MYO3A: variants seen among roughly 807,000 people sequenced by gnomAD.
The protein encoded by MYO3A is myosin-IIIa.
A neutral mutation model predicts 192.7 loss-of-function variants in MYO3A; 180 were observed. The observed-to-expected ratio is 0.93, with a 90% CI of 0.83 to 1.06. The LOEUF (loss-of-function observed/expected upper bound fraction) is 1.06. MYO3A is among the 50% of genes least tolerant of loss of function. MYO3A has a pLI of 0.00. For missense variants in MYO3A, 1,896 were observed against 1,905.0 expected (o/e 1.00, Z 0.09); for synonymous variants, 628 against 645.3 (o/e 0.97, Z 0.41).
At chr10:25,945,497 T>C (rs997477388) in intron 2 of MYO3A, among the ~76,000 whole-genome samples, 1 of 152,088 alleles carries the variant, frequency 6.6e-6, no homozygotes, top group Non-Finnish European at 1.5e-5. Context: ...GTTTTCCCCT[T>C]TAGTTCTGTC....
intron 8 of MYO3A, chr10:26,023,149 G>A (rs1160043693): frequency 6.6e-6 from 1 of 152,204 alleles, no homozygotes; most frequent in African/African-American, 2.4e-5. Flanking sequence ...ATTGTGAAAT[G>A]AGCTTAGTCC....
At chr10:26,071,290 G>A (rs557016964) in intron 14 of MYO3A, among the ~76,000 whole-genome samples, 11 of 152,190 alleles carry the variant, frequency 7.2e-5, no homozygotes, top group African/African-American at 2.4e-4. Context: ...ATTAAGAAAG[G>A]TGGTCTTTTC....
intron 31 of MYO3A, among the ~76,000 whole-genome samples, chr10:26,187,746 G>GT (rs1184960725): frequency 6.7e-6 from 1 of 149,298 alleles, no homozygotes; most frequent in Non-Finnish European, 1.5e-5. Context: ...GCAGTGTTTG[G>GT]TTTTTTGTCC....
chr10:26,172,586 G>A (rs555277964), intron 29 of MYO3A, among the ~76,000 whole-genome samples: 1 of 152,342 alleles, frequency 6.6e-6, no homozygotes, highest in East Asian at 1.9e-4. Context: ...GTTAGGGACT[G>A]CACGCTTATC....
At chr10:26,204,236 T>G (rs1403789729) in intron 34 of MYO3A, 1 of 152,322 alleles carries the variant, frequency 6.6e-6, no homozygotes, top group South Asian at 2.1e-4. Flanking sequence ...CCAGAAAGAT[T>G]AAGTGATTTG....
chr10:26,099,147 T>C (rs1049982282), intron 17 of MYO3A, among the ~76,000 whole-genome samples: 3 of 152,238 alleles, frequency 2.0e-5, no homozygotes, highest in Non-Finnish European at 2.9e-5. Context: ...GTTGGATTCC[T>C]AGATATTTTA....
rs945494981 is a variant in MYO3A at position 25,996,186 on chromosome 10, T to G, written c.304-304T>G. Among the ~76,000 whole-genome samples the G allele has an allele frequency of 5.3e-5, 8 of 152,252 alleles. No homozygotes were observed. The South Asian group carries it at 6.2e-4, about 12-fold the overall frequency. On this transcript the variant is annotated intron_variant, in intron 4 of 34. Transcript: ENST00000642920. The stretch of plus-strand genomic sequence containing the variant: ...CTTCCTGGCCGCTTTGTTCACCTAC[T>G]CAAGCCTCAGCAATGGCGGGTGCCC...
At chr10:26,146,094 G>A (rs1003581971) in intron 22 of MYO3A, among the ~76,000 whole-genome samples, 3 of 152,124 alleles carry the variant, frequency 2.0e-5, no homozygotes, top group Admixed American at 6.5e-5. Flanking sequence ...CCAGATGAAT[G>A]GATTATGATG....
At chr10:26,080,589 T>TGG (rs1452940985) in intron 14 of MYO3A, among the ~76,000 whole-genome samples, 6 of 94,748 alleles carry the variant, frequency 6.3e-5, no homozygotes, top group African/African-American at 2.2e-4. Context: ...TGTAATTTTT[T>TGG]TGGGGGGAGG....
intron 10 of MYO3A, among the ~76,000 whole-genome samples, chr10:26,057,116 TAGC>T (rs1834158234): frequency 6.6e-6 from 1 of 152,216 alleles, no homozygotes; most frequent in African/African-American, 2.4e-5. Context: ...AAGAGGCTGA[TAGC>T]AGTGCTGATG....
chr10:26,156,674 G>A (rs942846223), intron 25 of MYO3A, among the ~76,000 whole-genome samples: 6 of 152,100 alleles, frequency 3.9e-5, no homozygotes, highest in African/African-American at 1.4e-4. Flanking sequence ...ATCCTAACAG[G>A]GATTAAGGTG....
Position 26,153,587 on chromosome 10 carries a change from T to C in MYO3A, c.2636-263T>C, listed in dbSNP as rs1840926198. On this transcript the variant is annotated intron_variant, in intron 23 of 34. Transcript: ENST00000642920. ...CTCCCTCAATCATAATCATCTCAAGTCTTCTAGCAATTCAAAGGAAACCCA... is the reference window on the plus strand; with the variant it reads ...CTCCCTCAATCATAATCATCTCAAGCCTTCTAGCAATTCAAAGGAAACCCA... 1.3e-5 allele frequency among the ~76,000 whole-genome samples: 2 copies of C among 152,208 alleles called. 1 individual carries two copies. Among genetic ancestry groups the C allele is most frequent in the Admixed American group, 1.3e-4 (2 of 15,282 alleles).
At chr10:26,129,720 T>G (rs1426098260) in intron 20 of MYO3A, among the ~76,000 whole-genome samples, 3 of 152,222 alleles carry the variant, frequency 2.0e-5, no homozygotes, top group African/African-American at 7.2e-5. Context: ...AGTTCATTTT[T>G]GTCTTTCTCA....
intron 6 of MYO3A, among the ~76,000 whole-genome samples, chr10:26,009,354 G>A (rs1033944575): frequency 1.3e-5 from 2 of 152,190 alleles, no homozygotes; most frequent in South Asian, 2.1e-4. Context: ...TGCACATTGT[G>A]CACATGTACC....
At chr10:26,202,449 G>A (rs968712080) in intron 33 of MYO3A, among the ~76,000 whole-genome samples, 5 of 152,208 alleles carry the variant, frequency 3.3e-5, no homozygotes, top group Admixed American at 2.0e-4. Flanking sequence ...TCATGTGTGG[G>A]TGTTAAAATC....
intron 2 of MYO3A, among the ~76,000 whole-genome samples, chr10:25,937,866 T>G (rs1486610021): frequency 2.6e-5 from 4 of 152,222 alleles, no homozygotes; most frequent in African/African-American, 9.6e-5. Context: ...TACATGTAAC[T>G]GGACAAGGTC....
At chr10:26,157,236 T>TA (rs1841191075) in intron 25 of MYO3A, 74 bp from the exon 26 acceptor site, 1 of 1,336,710 alleles carries the variant, frequency 7.5e-7, no homozygotes, top group Non-Finnish European at 1.1e-6. Context: ...ATTCTTGTAG[T>TA]AAAAAGAAAG....
At chr10:26,128,680 T>A in intron 20 of MYO3A, 142 bp downstream of exon 20, 1 of 901,366 alleles carries the variant, frequency 1.1e-6, no homozygotes, top group Non-Finnish European at 1.6e-6. Flanking sequence ...TCCACGTCCA[T>A]AGTAAAAACA....
intron 27 of MYO3A, 114 bp downstream of exon 27, chr10:26,166,292 C>G: frequency 1.1e-6 from 1 of 934,460 alleles, no homozygotes; most frequent in Non-Finnish European, 1.7e-6. Flanking sequence ...GAATCTATAA[C>G]TTACAATAGA....
Sources: gnomAD v4.1 joint callset for allele counts (sites outside exome capture counted in the v4.1 genomes callset) on GRCh38, gnomAD v4.1.1 for gene constraint, MANE v1.5 for transcripts, NCBI Gene and HGNC (gene_info 2026-07-23, HGNC 2026-07-21) for gene names.